Variants in DRC3 observed in about 807,000 individuals in gnomAD.
DRC3 encodes the protein dynein regulatory complex subunit 3, also known as leucine rich repeat containing 48.
In DRC3, 45 loss-of-function variants were observed where a neutral mutation model predicts 57.6. The ratio of observed to expected loss-of-function variants is 0.78; its 90% confidence interval spans 0.62 to 1.00. The LOEUF (loss-of-function observed/expected upper bound fraction) is 1.00. DRC3 is among the 50% of genes least tolerant of loss of function. DRC3 has a pLI of 0.00. For synonymous variants in DRC3, 257 were observed against 272.3 expected (o/e 0.94, Z 0.55); for missense variants, 655 against 675.2 (o/e 0.97, Z 0.33).
chr17:17,976,043 G>T (rs1015348353), intron 2 of DRC3, among the ~76,000 whole-genome samples: 1 of 152,184 alleles, frequency 6.6e-6, no homozygotes, highest in Admixed American at 6.5e-5. Flanking sequence ...TGCACCAGGA[G>T]TTTCTCCAGC....
At chr17:17,978,263 G>A (rs1267013051) in intron 3 of DRC3, among the ~76,000 whole-genome samples, 1 of 152,152 alleles carries the variant, frequency 6.6e-6, no homozygotes, top group Non-Finnish European at 1.5e-5. Flanking sequence ...GGAGTGAGAA[G>A]ATGTGGCTCA....
At position 18,006,914 on chromosome 17, in the gene DRC3, G is replaced by C. The variant is rs1252178726; in HGVS notation, c.1203-110G>C. On this transcript the variant is annotated intron_variant, in intron 11 of 13. Transcript: ENST00000399187. ...TGTGAGTGGACGGTGCTGCCAGCCAGAATTTCCGAGCTCGCCTTGGGCCCT... is the reference window on the plus strand; with the variant it reads ...TGTGAGTGGACGGTGCTGCCAGCCACAATTTCCGAGCTCGCCTTGGGCCCT... The C allele has an allele frequency of 5.3e-6, 8 of 1,506,370 alleles. No individual in the cohort carries two copies. In the East Asian group the frequency reaches 2.0e-4, roughly 38 times the overall value. The allele number at this position is 1,506,370 out of a possible 1,614,324, so 93.3% of individuals were successfully genotyped here. A position where few individuals can be genotyped will look rare whatever the true frequency, so the allele number is the denominator to read the frequency against.
intron 8 of DRC3, among the ~76,000 whole-genome samples, chr17:17,996,696 G>C (rs993871191): frequency 3.3e-5 from 5 of 152,200 alleles, no homozygotes; most frequent in Non-Finnish European, 2.9e-5. Context: ...GAATAGTGAA[G>C]AGCAGGGCTC....
intron 10 of DRC3, 45 bp from the exon 11 acceptor site, chr17:18,006,138 G>A (rs747561667): frequency 7.0e-7 from 1 of 1,430,896 alleles, no homozygotes; most frequent in Non-Finnish European, 9.8e-7. Flanking sequence ...GCTCTGTGCT[G>A]GACATCTAAA....
At chr17:18,004,341 A>C (rs1412544125) in intron 9 of DRC3, 22 bp from the exon 10 acceptor site, 1 of 1,589,032 alleles carries the variant, frequency 6.3e-7, no homozygotes, top group Non-Finnish European at 8.6e-7. Flanking sequence ...TTGATTCCTA[A>C]AGTGCAGTCT....
Position 17,994,426 on chromosome 17 carries a change from TC to T in DRC3, c.711+10del. The T allele has an allele frequency of 6.4e-7, 1 of 1,550,758 alleles. No individual in the cohort carries two copies. Among genetic ancestry groups the T allele is most frequent in the Admixed American group, 2.0e-5 (1 of 50,988 alleles). ...GAGCTAGAGAAGCACAAGGTACCGT[TC>T]CGGCAGGCTGCACGCCCTCGGCCCC... On this transcript the variant is annotated intron_variant, in intron 7 of 13. Coordinates refer to ENST00000399187, the MANE Select transcript of DRC3 (RefSeq NM_031294.4).
At chr17:18,012,700 C>G (rs2044211715) in intron 12 of DRC3, among the ~76,000 whole-genome samples, 1 of 151,582 alleles carries the variant, frequency 6.6e-6, no homozygotes, top group Non-Finnish European at 1.5e-5. Context: ...AAAAAAAAGA[C>G]CTGAAACTAT....
Position 17,992,916 on chromosome 17 carries a change from G to A in DRC3, c.591+5G>A. On this transcript the variant is annotated splice_donor_5th_base_variant and intron_variant, in intron 6 of 13. Transcript: ENST00000399187. Reference sequence around the variant, plus strand: ...CGGCGCATTGATGACCACACAGCAAGTGTCTCCCTCTCAGTCTCCCAGCCC... The same window carrying A: ...CGGCGCATTGATGACCACACAGCAAATGTCTCCCTCTCAGTCTCCCAGCCC... 1 of 1,613,878 alleles carries A rather than the reference G, an allele frequency of 6.2e-7. No homozygotes were observed. Among genetic ancestry groups the A allele is most frequent in the Non-Finnish European group, 8.5e-7 (1 of 1,179,806 alleles).
rs746165235 is a variant in DRC3, at chr17:17,983,983, G to A, written c.277+39G>A. 4.6e-6 allele frequency: 6 copies of A among 1,318,210 alleles called. No homozygotes were observed. In the East Asian group the frequency reaches 1.2e-4, roughly 25 times the overall value. 81.7% of individuals were successfully genotyped at this position (1,318,210 alleles called of 1,614,324 possible). ...CTCTGTGTGTCCACCCTAATCGAAG[G>A]TGACACCCTGACAAGGTTATTGCCT... On this transcript the variant is annotated intron_variant, in intron 4 of 13. Coordinates refer to ENST00000399187, the MANE Select transcript of DRC3 (RefSeq NM_031294.4).
rs1425827080 is a variant in DRC3, at chr17:17,994,420, T to TACCG, written c.711+3_711+6dup. On this transcript the variant is annotated splice_region_variant and intron_variant, in intron 7 of 13. Transcript: ENST00000399187. ...CGGGAGGAGCTAGAGAAGCACAAGGTACCGTTCCGGCAGGCTGCACGCCCT... is the reference window on the plus strand; with the variant it reads ...CGGGAGGAGCTAGAGAAGCACAAGGTACCGACCGTTCCGGCAGGCTGCACGCCCT... 6.4e-7 allele frequency: 1 copy of TACCG among 1,551,612 alleles called. No homozygotes were observed. Among genetic ancestry groups the TACCG allele is most frequent in the East Asian group, 2.4e-5 (1 of 40,922 alleles).
At chr17:18,010,820 T>C (rs1304666957) in intron 12 of DRC3, 2 of 340,206 alleles carry the variant, frequency 5.9e-6, no homozygotes, top group Non-Finnish European at 1.1e-5. Context: ...ATCACCAAGC[T>C]GGGCTGCCTG....
rs777938729 is a variant in DRC3 at position 18,007,091 on chromosome 17, C to T, written c.1270C>T (p.Leu424=). 2.1e-5 allele frequency: 28 copies of T among 1,354,496 alleles called. 1 individual carries two copies. Among genetic ancestry groups the T allele is most frequent in the Non-Finnish European group, 2.5e-5 (26 of 1,037,666 alleles). 83.9% of individuals were successfully genotyped at this position (1,354,496 alleles called of 1,614,324 possible). A position where few individuals can be genotyped will look rare whatever the true frequency, so the allele number is the denominator to read the frequency against. ...GCTCCTGGAGATCTCTATCAGCACC[C>T]TGGAGAAGATTGTCGAGGGCGACCT... ...EKLLEISIST[L]EKIVEGDLDE... Residue 424 remains leucine (L), a synonymous_variant, in exon 12 of 14, where the codon CTG becomes TTG. Transcript: ENST00000399187.
At chr17:18,012,504 G>C (rs905980941) in intron 12 of DRC3, among the ~76,000 whole-genome samples, 2 of 152,108 alleles carry the variant, frequency 1.3e-5, no homozygotes, top group Non-Finnish European at 2.9e-5. Context: ...ACATGGCAAA[G>C]ACCCACCTCT....
chr17:18,007,982 T>A, intron 12 of DRC3: 2 of 326,774 alleles, frequency 6.1e-6, no homozygotes, highest in Non-Finnish European at 8.8e-6. Flanking sequence ...ACCCTATCAC[T>A]GCACACTTTT....
chr17:17,976,605 C>T (rs2042397952), intron 2 of DRC3, among the ~76,000 whole-genome samples: 1 of 152,148 alleles, frequency 6.6e-6, no homozygotes, highest in South Asian at 2.1e-4. Context: ...CGCTTGAATC[C>T]GGGCGTTGCA....
At chr17:17,997,198 T>A (rs2043494660) in intron 8 of DRC3, among the ~76,000 whole-genome samples, 1 of 152,198 alleles carries the variant, frequency 6.6e-6, no homozygotes, top group Non-Finnish European at 1.5e-5. Context: ...TCTGCCTCCT[T>A]CCTTCACACA....
At chr17:17,998,623 G>A (rs763705382) in intron 9 of DRC3, among the ~76,000 whole-genome samples, 4 of 152,086 alleles carry the variant, frequency 2.6e-5, no homozygotes, top group Non-Finnish European at 5.9e-5. Context: ...AAAGTCCCTC[G>A]ATGCGCAACT....
rs770144279 is a variant in DRC3, at chr17:17,973,878, G to C, written c.-102G>C. On this transcript the variant is annotated 5_prime_UTR_variant, in exon 2 of 14. Coordinates refer to ENST00000399187, the MANE Select transcript of DRC3 (RefSeq NM_031294.4). ...AAAATTCTGGATCTGTTATCTGTGA[G>C]GAGGCCACTCCGTTGACAGTTGTGT... 3.9e-5 allele frequency: 6 copies of C among 152,254 alleles called. No individual in the cohort carries two copies. Among genetic ancestry groups the C allele is most frequent in the Admixed American group, 1.3e-4 (2 of 15,288 alleles). 9.4% of individuals were successfully genotyped at this position (152,254 alleles called of 1,614,324 possible).
chr17:18,016,872 AT>A lies in DRC3; in HGVS notation c.*202del, dbSNP rs2044383474. The A allele has an allele frequency of 2.7e-6, 1 of 376,424 alleles. No individual in the cohort carries two copies. The highest frequency in any genetic ancestry group is 4.5e-6 in the Non-Finnish European group (1 of 222,488). The allele number at this position is 376,424 out of a possible 1,614,324, so 23.3% of individuals were successfully genotyped here. On this transcript the variant is annotated 3_prime_UTR_variant, in exon 14 of 14. Transcript: ENST00000399187. ...GACTCATTTCACATTTCCCCTACTC[AT>A]AAAAAAAAAAAAAAAATCAGCTGGG...
Sources: allele counts gnomAD v4.1 joint callset (sites outside exome capture counted in the v4.1 genomes callset), GRCh38; gene constraint gnomAD v4.1.1; transcripts MANE v1.5; gene names NCBI Gene and HGNC (gene_info 2026-07-23, HGNC 2026-07-21).